Variants in ZNF883 observed in about 807,000 individuals in gnomAD.
ZNF883 encodes the protein zinc finger protein 883.
downstream of ZNF883, among the ~76,000 whole-genome samples, chr9:112,995,940 T>C (rs1828349606): frequency 2.0e-5 from 3 of 152,304 alleles, no homozygotes; most frequent in South Asian, 6.2e-4. Flanking sequence ...AATCTACCTT[T>C]TGTAACTATT....
At chr9:113,005,082 C>A (rs1255216330) in intron 2 of ZNF883, among the ~76,000 whole-genome samples, 5 of 151,914 alleles carry the variant, frequency 3.3e-5, no homozygotes, top group Non-Finnish European at 7.4e-5. Flanking sequence ...AAACATAAAA[C>A]TAGAACTATA....
downstream of ZNF883, among the ~76,000 whole-genome samples, chr9:112,993,587 G>C (rs916007230): frequency 6.6e-6 from 1 of 152,232 alleles, no homozygotes; most frequent in African/African-American, 2.4e-5. Flanking sequence ...CAGAGGAGGT[G>C]TGCTATGCTG....
At chr9:113,005,863 T>G (rs1410403083) in intron 2 of ZNF883, among the ~76,000 whole-genome samples, 1 of 152,184 alleles carries the variant, frequency 6.6e-6, no homozygotes, top group Non-Finnish European at 1.5e-5. Flanking sequence ...GTATTCACTA[T>G]GCATCCAGTA....
upstream of ZNF883, among the ~76,000 whole-genome samples, chr9:113,002,996 C>A (rs957169596): frequency 1.3e-5 from 2 of 152,190 alleles, no homozygotes; most frequent in African/African-American, 2.4e-5. Flanking sequence ...GAACTTCAAG[C>A]CTCCAGAACT....
intron 1 of ZNF883, among the ~76,000 whole-genome samples, chr9:112,989,924 G>A (rs769722209): frequency 1.3e-5 from 2 of 152,012 alleles, no homozygotes; most frequent in African/African-American, 2.4e-5. Context: ...CTTGCCTATT[G>A]TTGGCATATA....
chr9:113,009,514 C>CT (rs72131069), intron 2 of ZNF883, among the ~76,000 whole-genome samples: 11,721 of 145,006 alleles, frequency 0.081, 571 homozygotes, highest in East Asian at 0.13. Context: ...GCTCATATTC[C>CT]TTTTTTTTTT....
exon 1 of ZNF883, chr9:112,997,532 C>G: frequency 6.2e-7 from 1 of 1,614,128 alleles, no homozygotes; most frequent in Middle Eastern, 1.6e-4. Context: ...GAAGGCCTTT[C>G]CACATGCATT....
At chr9:112,994,844 C>T (rs987279744), downstream of ZNF883, among the ~76,000 whole-genome samples, 2 of 151,724 alleles carry the variant, frequency 1.3e-5, no homozygotes, top group Admixed American at 1.3e-4. Context: ...TTTTTCTCTT[C>T]CTTTAAATTA....
At chr9:112,992,305 T>G (rs1828310775), downstream of ZNF883, among the ~76,000 whole-genome samples, 1 of 152,234 alleles carries the variant, frequency 6.6e-6, no homozygotes, top group Admixed American at 6.5e-5. Flanking sequence ...AGCATTTGCT[T>G]GTCTGAAGAG....
At chr9:112,989,306 G>A (rs527428423) in intron 1 of ZNF883, among the ~76,000 whole-genome samples, 2 of 152,290 alleles carry the variant, frequency 1.3e-5, no homozygotes, top group South Asian at 4.1e-4. Context: ...TGTATAAGGT[G>A]TAGGGAAGGG....
chr9:112,992,731 T>C (rs1442131845), downstream of ZNF883, among the ~76,000 whole-genome samples: 1 of 152,218 alleles, frequency 6.6e-6, no homozygotes, highest in Non-Finnish European at 1.5e-5. Flanking sequence ...TTCAGTCTTT[T>C]ATACATAATC....
chr9:112,994,870 T>TC (rs1220318962), downstream of ZNF883, among the ~76,000 whole-genome samples: 3 of 152,196 alleles, frequency 2.0e-5, no homozygotes, highest in African/African-American at 7.2e-5. Flanking sequence ...ATCTTTTTTT[T>TC]CTCTAATTGG....
intron 2 of ZNF883, among the ~76,000 whole-genome samples, chr9:113,006,786 T>C (rs1473650767): frequency 2.0e-5 from 3 of 152,218 alleles, no homozygotes; most frequent in Non-Finnish European, 2.9e-5. Context: ...TAAGCCATTA[T>C]TAACTATATT....
At chr9:113,000,550 G>A (rs764871252), upstream of ZNF883, among the ~76,000 whole-genome samples, 1 of 152,138 alleles carries the variant, frequency 6.6e-6, no homozygotes, top group Non-Finnish European at 1.5e-5. Context: ...AGAACTTGGT[G>A]TAAGTGTAGA....
At chr9:113,003,029 T>G (rs1048288344), upstream of ZNF883, among the ~76,000 whole-genome samples, 39 of 152,140 alleles carry the variant, frequency 2.6e-4, no homozygotes, top group Non-Finnish European at 4.6e-4. Context: ...TTTCTGTTCT[T>G]TATAAATTGC....
At chr9:113,002,499 T>C (rs1828435568), upstream of ZNF883, among the ~76,000 whole-genome samples, 1 of 152,166 alleles carries the variant, frequency 6.6e-6, no homozygotes, top group Non-Finnish European at 1.5e-5. Context: ...GTGACAAATG[T>C]ACCAAACTAA....
downstream of ZNF883, among the ~76,000 whole-genome samples, chr9:112,995,565 C>T (rs1564331545): frequency 6.6e-6 from 1 of 151,484 alleles, no homozygotes; most frequent in African/African-American, 2.4e-5. Context: ...TCCTTCTCTT[C>T]CTTCTCTCTT....
exon 1 of ZNF883, chr9:112,997,890 G>A (rs1564332680): frequency 1.2e-6 from 2 of 1,613,872 alleles, no homozygotes; most frequent in Non-Finnish European, 1.7e-6. Context: ...CAAGGATAGG[G>A]TTTTTCTCCA....
intron 1 of ZNF883, among the ~76,000 whole-genome samples, chr9:112,991,036 A>G (rs1213227008): frequency 6.6e-6 from 1 of 151,736 alleles, no homozygotes; most frequent in African/African-American, 2.4e-5. Context: ...CTATTTTATT[A>G]GTTTTTTCAA....
Sources: allele counts gnomAD v4.1 joint callset (sites outside exome capture counted in the v4.1 genomes callset), GRCh38; gene constraint gnomAD v4.1.1; transcripts MANE v1.5; gene names NCBI Gene and HGNC (gene_info 2026-07-23, HGNC 2026-07-21).